The following PUS10 variants were observed in gnomAD, a reference collection of about 807,000 sequenced individuals.
The protein encoded by PUS10 is pseudouridine synthase 10, also known as tRNA pseudouridine synthase Pus10.
Under a neutral mutation model 75.0 loss-of-function variants are expected in PUS10, and 59 were observed. The observed-to-expected ratio is 0.79, with a 90% CI of 0.64 to 0.98. PUS10 has a LOEUF of 0.98. PUS10 is among the 50% of genes least tolerant of loss of function. PUS10 has a pLI of 0.00. For missense variants in PUS10, 650 were observed against 614.4 expected (o/e 1.06, Z -0.61); for synonymous variants, 219 against 211.6 (o/e 1.03, Z -0.30).
intron 4 of PUS10, among the ~76,000 whole-genome samples, chr2:60,978,945 A>T (rs1173785613): frequency 6.6e-6 from 1 of 152,180 alleles, no homozygotes; most frequent in Non-Finnish European, 1.5e-5. Flanking sequence ...TGCCCTTCAA[A>T]CTATATTCTT....
intron 11 of PUS10, 42 bp downstream of exon 11, chr2:60,960,343 CAAAAAAA>C: frequency 2.6e-6 from 3 of 1,138,624 alleles, no homozygotes; most frequent in East Asian, 3.2e-5. Context: ...GCCCCTATCT[CAAAAAAA>C]AAAAAAAAAA....
intron 4 of PUS10, among the ~76,000 whole-genome samples, chr2:60,999,261 T>C (rs1678685442): frequency 6.6e-6 from 1 of 152,190 alleles, no homozygotes; most frequent in South Asian, 2.1e-4. Context: ...TCTGGGACAT[T>C]CATTCTATAG....
chr2:60,991,654 A>C (rs1265745045), intron 4 of PUS10, among the ~76,000 whole-genome samples: 1 of 152,126 alleles, frequency 6.6e-6, no homozygotes, highest in Admixed American at 6.6e-5. Context: ...TGGGAGTACC[A>C]ATTTAATTAG....
Position 60,967,553 on chromosome 2 carries a change from C to CA in PUS10, c.563_564insT (p.Trp188CysfsTer16). On this transcript the variant is annotated frameshift_variant, in exon 6 of 18. Coordinates refer to ENST00000316752, the MANE Select transcript of PUS10 (RefSeq NM_144709.4). LOFTEE classifies it high-confidence loss of function. ...CCTCTGAAAACAGGGGGTGAGTTAT[C>CA]CATTTGTAGGCTTCTTTTAGCTGAA... The CA allele has an allele frequency of 6.2e-7, 1 of 1,609,904 alleles. No individual in the cohort carries two copies. Among genetic ancestry groups the CA allele is most frequent in the South Asian group, 1.1e-5 (1 of 90,300 alleles).
At chr2:60,997,671 C>T (rs1678569554) in intron 4 of PUS10, among the ~76,000 whole-genome samples, 1 of 150,996 alleles carries the variant, frequency 6.6e-6, no homozygotes, top group Admixed American at 6.6e-5. Context: ...GGAAGTTTAG[C>T]CTAATATTAG....
Position 60,954,133 on chromosome 2 carries a change from C to T in PUS10, c.1083G>A (p.Val361=). 1 of 1,614,150 alleles carries T rather than the reference C, an allele frequency of 6.2e-7. No homozygotes were observed. The highest frequency in any genetic ancestry group is 8.5e-7 in the Non-Finnish European group (1 of 1,179,988). Residue 361 remains valine, a synonymous_variant, in exon 13 of 18, where the codon GTG becomes GTA. Transcript: ENST00000316752. ...AAGTGAAATGTACTCTATGAGGATT[C>T]ACCAGCTCAATTGCAAAGGGCCTTC... ...GNGRPFAIEL[V]NPHRVHFTSQ...
At chr2:60,979,168 C>T (rs1677229835) in intron 4 of PUS10, among the ~76,000 whole-genome samples, 2 of 145,664 alleles carry the variant, frequency 1.4e-5, no homozygotes, top group African/African-American at 2.5e-5. Context: ...TGCATACATA[C>T]ATACAAACAT....
At chr2:60,959,948 G>A (rs993159898) in intron 11 of PUS10, among the ~76,000 whole-genome samples, 4 of 151,998 alleles carry the variant, frequency 2.6e-5, no homozygotes, top group African/African-American at 4.8e-5. Context: ...GGAAGCCCAG[G>A]CAGGAGGATC....
chr2:61,013,305 CTT>C (rs1223131114), intron 1 of PUS10, among the ~76,000 whole-genome samples: 2 of 151,692 alleles, frequency 1.3e-5, no homozygotes, highest in East Asian at 1.9e-4. Flanking sequence ...TCTAACCTCT[CTT>C]GTCTGACTGT....
At chr2:60,963,826 C>T (rs1393514953) in intron 8 of PUS10, among the ~76,000 whole-genome samples, 1 of 152,160 alleles carries the variant, frequency 6.6e-6, no homozygotes, top group African/African-American at 2.4e-5. Flanking sequence ...GACTCTACAA[C>T]TCCCACTGGC....
At chr2:60,948,702 C>G (rs937751228) in intron 15 of PUS10, among the ~76,000 whole-genome samples, 1 of 152,056 alleles carries the variant, frequency 6.6e-6, no homozygotes, top group Non-Finnish European at 1.5e-5. Flanking sequence ...CATAATAAAC[C>G]GGGACCTTTC....
intron 12 of PUS10, among the ~76,000 whole-genome samples, 187 bp downstream of exon 12, chr2:60,954,831 T>C (rs1355893171): frequency 6.6e-6 from 1 of 152,244 alleles, no homozygotes; most frequent in African/African-American, 2.4e-5. Context: ...GAAGAAATGA[T>C]TCCTGTTAAG....
intron 15 of PUS10, among the ~76,000 whole-genome samples, chr2:60,949,967 T>A (rs1235269856): frequency 6.6e-6 from 1 of 152,234 alleles, no homozygotes; most frequent in Non-Finnish European, 1.5e-5. Context: ...ACTATGAACC[T>A]ATTTTTTTAA....
At chr2:61,006,271 G>C (rs893024922) in intron 4 of PUS10, among the ~76,000 whole-genome samples, 12 of 152,170 alleles carry the variant, frequency 7.9e-5, no homozygotes, top group African/African-American at 2.4e-4. Context: ...TGACCATCAT[G>C]CCTCACATGG....
chr2:60,987,881 C>T (rs932044728), intron 4 of PUS10, among the ~76,000 whole-genome samples: 2 of 151,464 alleles, frequency 1.3e-5, no homozygotes, highest in African/African-American at 4.9e-5. Context: ...CTAGATCATG[C>T]GACTGCACTC....
At chr2:60,948,586 T>C (rs1675137036) in intron 15 of PUS10, among the ~76,000 whole-genome samples, 1 of 152,048 alleles carries the variant, frequency 6.6e-6, no homozygotes, top group South Asian at 2.1e-4. Context: ...TGTTTTGGTT[T>C]TTTTTTGGTG....
At chr2:61,011,644 A>T (rs1444065058) in intron 2 of PUS10, 121 bp downstream of exon 2, 6 of 657,450 alleles carry the variant, frequency 9.1e-6, no homozygotes, top group Non-Finnish European at 1.4e-5. Context: ...ATTTTATTAT[A>T]GTTTTTTAAT....
intron 4 of PUS10, among the ~76,000 whole-genome samples, chr2:60,994,040 C>T (rs538122818): frequency 2.3e-4 from 35 of 152,166 alleles, no homozygotes; most frequent in Middle Eastern, 6.8e-3. Context: ...CTGCCTGCCT[C>T]GGCCTCCCAC....
intron 4 of PUS10, among the ~76,000 whole-genome samples, chr2:61,006,095 C>T (rs1161215477): frequency 1.3e-5 from 2 of 151,950 alleles, no homozygotes; most frequent in Non-Finnish European, 2.9e-5. Context: ...AAAATGAGGC[C>T]ATTTCTCTCC....
Sources: gnomAD v4.1 joint callset for allele counts (sites outside exome capture counted in the v4.1 genomes callset) on GRCh38, gnomAD v4.1.1 for gene constraint, MANE v1.5 for transcripts, NCBI Gene and HGNC (gene_info 2026-07-23, HGNC 2026-07-21) for gene names.